Variants in BAZ2B observed in about 807,000 individuals in gnomAD.
BAZ2B encodes bromodomain adjacent to zinc finger domain protein 2B.
BAZ2B carries 91 observed loss-of-function variants against 246.0 expected under a neutral mutation model. That is an observed-to-expected ratio of 0.37 (90% CI 0.31 to 0.44). The LOEUF (loss-of-function observed/expected upper bound fraction) is 0.44. BAZ2B is among the 20% of genes least tolerant of loss of function. The pLI is 1.00. For synonymous variants in BAZ2B, 855 were observed against 860.0 expected (o/e 0.99, Z 0.10); for missense variants, 2,332 against 2,533.7 (o/e 0.92, Z 1.71).
intron 27 of BAZ2B, among the ~76,000 whole-genome samples, chr2:159,362,730 G>A (rs913222162): frequency 3.6e-4 from 55 of 152,174 alleles, no homozygotes; most frequent in African/African-American, 1.2e-3. Flanking sequence ...CAGTAGCTAC[G>A]CCTGAGAATG....
intron 2 of BAZ2B, among the ~76,000 whole-genome samples, chr2:159,508,365 T>C (rs368420542): frequency 1.3e-5 from 2 of 152,202 alleles, no homozygotes; most frequent in Admixed American, 6.5e-5. Context: ...ACTAACAACA[T>C]TTAAACTACT....
chr2:159,404,982 T>G, intron 15 of BAZ2B, 40 bp downstream of exon 15: 1 of 1,612,036 alleles, frequency 6.2e-7, no homozygotes, highest in South Asian at 1.1e-5. Context: ...AATTCCCCAG[T>G]ACTGACTCTT....
At chr2:159,336,079 T>G (rs2065617508) in intron 33 of BAZ2B, among the ~76,000 whole-genome samples, 1 of 152,142 alleles carries the variant, frequency 6.6e-6, no homozygotes, top group Admixed American at 6.5e-5. Flanking sequence ...GAGAATCCCC[T>G]GAACCCAGGA....
intron 25 of BAZ2B, among the ~76,000 whole-genome samples, chr2:159,376,442 T>C (rs1483201234): frequency 6.6e-6 from 1 of 152,182 alleles, no homozygotes; most frequent in Non-Finnish European, 1.5e-5. Context: ...TGTACCATTA[T>C]CTCTCATTCA....
the BAZ2B span, among the ~76,000 whole-genome samples, chr2:159,663,855 C>CT: frequency 4.4e-3 from 408 of 92,420 alleles, 4 homozygotes; most frequent in East Asian, 0.01. Flanking sequence ...AAACCATTTT[C>CT]TTTTTTTTTT....
intron 30 of BAZ2B, among the ~76,000 whole-genome samples, 154 bp downstream of exon 30, chr2:159,348,524 C>T (rs1048084338): frequency 9.9e-5 from 15 of 152,070 alleles, no homozygotes; most frequent in Non-Finnish European, 2.1e-4. Flanking sequence ...ATGCACCCAT[C>T]TTTCTTTGAC....
intron 14 of BAZ2B, among the ~76,000 whole-genome samples, chr2:159,410,289 T>G: frequency 6.6e-6 from 1 of 152,118 alleles, no homozygotes; most frequent in East Asian, 1.9e-4. Flanking sequence ...CCAAATAAAA[T>G]AAAAAAATCT....
At chr2:159,423,142 T>G (rs1484330312) in intron 13 of BAZ2B, among the ~76,000 whole-genome samples, 3 of 152,004 alleles carry the variant, frequency 2.0e-5, no homozygotes, top group Admixed American at 6.6e-5. Flanking sequence ...GGTGAAACCC[T>G]GTCTCTACTG....
chr2:159,382,579 T>C lies in BAZ2B; in HGVS notation c.3985A>G (p.Thr1329Ala), dbSNP rs527771262. 2.6e-6 allele frequency: 4 copies of C among 1,551,322 alleles called. No homozygotes were observed. Among genetic ancestry groups the C allele is most frequent in the South Asian group, 2.4e-5 (2 of 84,246 alleles). The change falls in exon 25 of 37, where the codon ACT becomes GCT. Residue 1329 changes from threonine to alanine, a missense_variant. Transcript: ENST00000392783. ...ATTACCTCATCTTCACAGATATCAG[T>C]CTTTTTTCCTTTTTTGTCTTCTTTA... The part of the protein sequence containing the change: ...EDKEDKKGKK[T>A]DICEDEDEGD...
At chr2:159,400,303 T>C (rs903619350) in intron 17 of BAZ2B, among the ~76,000 whole-genome samples, 1 of 152,224 alleles carries the variant, frequency 6.6e-6, no homozygotes, top group Non-Finnish European at 1.5e-5. Flanking sequence ...ATGATTTTTC[T>C]TTTGTTGTTT....
intron 18 of BAZ2B, among the ~76,000 whole-genome samples, chr2:159,398,516 C>T (rs1284569723): frequency 6.6e-6 from 1 of 151,924 alleles, no homozygotes; most frequent in East Asian, 1.9e-4. Flanking sequence ...ACATAAATAA[C>T]ACACAAAACA....
intron 1 of BAZ2B, among the ~76,000 whole-genome samples, chr2:159,610,477 T>C (rs770561817): frequency 2.0e-5 from 3 of 152,218 alleles, no homozygotes; most frequent in Admixed American, 2.0e-4. Context: ...AATGAGTGCA[T>C]GTTTGTGGAA....
At chr2:159,551,337 C>T (rs1374536488) in intron 2 of BAZ2B, among the ~76,000 whole-genome samples, 2 of 151,800 alleles carry the variant, frequency 1.3e-5, no homozygotes, top group East Asian at 1.9e-4. Flanking sequence ...GGCGTGGTGG[C>T]GGAAACCTGT....
intron 2 of BAZ2B, among the ~76,000 whole-genome samples, chr2:159,479,023 G>A (rs1255984441): frequency 6.6e-6 from 1 of 151,534 alleles, no homozygotes; most frequent in Non-Finnish European, 1.5e-5. Context: ...TGTTATATTC[G>A]TCTTATTCAT....
At chr2:159,362,628 C>G (rs2059833114) in intron 27 of BAZ2B, among the ~76,000 whole-genome samples, 1 of 152,046 alleles carries the variant, frequency 6.6e-6, no homozygotes, top group African/African-American at 2.4e-5. Flanking sequence ...CAACAAAGTC[C>G]CGATGTCATG....
intron 12 of BAZ2B, 35 bp downstream of exon 12, chr2:159,428,276 C>T: frequency 1.3e-6 from 2 of 1,540,478 alleles, no homozygotes; most frequent in Non-Finnish European, 1.8e-6. Flanking sequence ...GCTTAATAGG[C>T]ACCAAATGTA....
chr2:159,478,844 A>G lies in BAZ2B; in HGVS notation c.-2-123T>C, dbSNP rs567443622. ...AAATTTCTAAATACATGTTCTTTGG[A>G]AAGAGAAAATATGGAGTAGATAAAA... On this transcript the variant is annotated intron_variant, in intron 2 of 36. Coordinates refer to ENST00000392783, the MANE Select transcript of BAZ2B (RefSeq NM_013450.4). The G allele has an allele frequency of 2.0e-5, 14 of 710,550 alleles. No individual in the cohort carries two copies. The African/African-American group carries it at 2.2e-4, about 11-fold the overall frequency. The allele number at this position is 710,550 out of a possible 1,614,324, so 44.0% of individuals were successfully genotyped here.
intron 2 of BAZ2B, among the ~76,000 whole-genome samples, chr2:159,487,726 A>G (rs1044477280): frequency 6.6e-6 from 1 of 152,128 alleles, no homozygotes; most frequent in Non-Finnish European, 1.5e-5. Flanking sequence ...GCAAACAACC[A>G]GAAGAAAGAA....
At chr2:159,617,458 C>T (rs1696216189), upstream of BAZ2B, among the ~76,000 whole-genome samples, 1 of 150,780 alleles carries the variant, frequency 6.6e-6, no homozygotes, top group Middle Eastern at 3.4e-3. Flanking sequence ...ACTTTATTAG[C>T]CAAGAAGATA....
Sources: allele counts gnomAD v4.1 joint callset (sites outside exome capture counted in the v4.1 genomes callset), GRCh38; gene constraint gnomAD v4.1.1; transcripts MANE v1.5; gene names NCBI Gene and HGNC (gene_info 2026-07-23, HGNC 2026-07-21).